Variants in ERI2 observed in about 807,000 individuals in gnomAD.
The protein encoded by ERI2 is ERI1 exoribonuclease family member 2.
Under a neutral mutation model 46.8 loss-of-function variants are expected in ERI2, and 35 were observed. The observed-to-expected ratio is 0.75, with a 90% CI of 0.57 to 0.99. ERI2 has a LOEUF of 0.99. Among genes scored for constraint, ERI2 ranks in the 50% least tolerant of loss-of-function variants. ERI2 has a pLI of 0.00. For missense variants in ERI2, 695 were observed against 796.2 expected, an observed-to-expected ratio of 0.87 and a Z score of 1.53; for synonymous variants, 224 against 271.0, an observed-to-expected ratio of 0.83 and a Z score of 1.70.
chr16:20,786,394 C>A, intron 10 of ERI2: 1 of 835,040 alleles, frequency 1.2e-6, no homozygotes, highest in Non-Finnish European at 1.6e-6. Flanking sequence ...AACGTTAACC[C>A]ATTAGGCTGG....
At chr16:20,802,036 G>A (rs1216933620) in intron 4 of ERI2, among the ~76,000 whole-genome samples, 1 of 150,026 alleles carries the variant, frequency 6.7e-6, no homozygotes, top group African/African-American at 2.4e-5. Context: ...TGAGATTACA[G>A]GTATGTTCCT....
intron 8 of ERI2, 44 bp downstream of exon 8, chr16:20,799,219 A>T: frequency 1.2e-6 from 2 of 1,602,958 alleles, no homozygotes; most frequent in Non-Finnish European, 1.7e-6. Flanking sequence ...ATGACTGTTT[A>T]TGAAGTTTGA....
At position 20,790,318 on chromosome 16, in the gene ERI2, C is replaced by CATGTGCTTGTAGCCCCAGATACTTGGGAA. The variant is rs1180890393; in HGVS notation, c.815+503_815+531dup. On this transcript the variant is annotated intron_variant, in intron 9 of 10. Transcript: ENST00000300005. The surrounding 1 kb of genome is among the most constrained non-coding windows in gnomAD (Gnocchi z 4.0). ...AATAAACATTAGCTGAGCATAATGA[C>CATGTGCTTGTAGCCCCAGATACTTGGGAA]ATGTGCTTGTAGCCCCAGATACTTG... is the stretch of plus-strand genomic sequence containing the variant. Among the ~76,000 whole-genome samples, 1 of 152,092 alleles carries CATGTGCTTGTAGCCCCAGATACTTGGGAA rather than the reference C, an allele frequency of 6.6e-6. No homozygotes were observed. Among genetic ancestry groups the CATGTGCTTGTAGCCCCAGATACTTGGGAA allele is most frequent in the Non-Finnish European group, 1.5e-5 (1 of 68,018 alleles).
chr16:20,785,277 C>T (rs1390207672), intron 10 of ERI2, among the ~76,000 whole-genome samples: 1 of 152,134 alleles, frequency 6.6e-6, no homozygotes, highest in Non-Finnish European at 1.5e-5. Flanking sequence ...GCTCTGTTAA[C>T]AGATAGTTGT....
At chr16:20,785,116 C>T (rs1476718734) in intron 10 of ERI2, 4 of 1,612,474 alleles carry the variant, frequency 2.5e-6, no homozygotes, top group East Asian at 4.5e-5. Context: ...CGGTACCTGA[C>T]CTCACTGAAA....
At position 20,798,977 on chromosome 16, in the gene ERI2, C is replaced by A. The variant is rs1271602418; in HGVS notation, c.823G>T (p.Gly275Cys). 4 of 1,545,888 alleles carry A rather than the reference C, an allele frequency of 2.6e-6. No individual in the cohort carries two copies. Among genetic ancestry groups the A allele is most frequent in the Non-Finnish European group, 1.7e-6 (2 of 1,145,682 alleles). The change falls in exon 9 of 9, where the codon GGT (glycine) becomes TGT (cysteine). Residue 275 changes from glycine (G) to cysteine (C), a missense_variant. Transcript: ENST00000357967. ...GGCTCCTTATTATATATGCTGGGAC[C>A]CTGGATGCTAATGTTACAGGCAGAC... The part of the protein sequence containing the change: ...EMSACNISIQ[G>C]PSIYNKEPKN...
chr16:20,795,201 C>T (rs931132287), downstream of ERI2, among the ~76,000 whole-genome samples: 1 of 151,996 alleles, frequency 6.6e-6, no homozygotes, highest in African/African-American at 2.4e-5. Context: ...TGTTTTTTTT[C>T]TTAGAGACAA....
rs759866744 is a variant in ERI2 at position 20,802,877 on chromosome 16, G to A, written c.222C>T (p.Asp74=). 6.2e-7 allele frequency: 1 copy of A among 1,611,048 alleles called. No homozygotes were observed. The highest frequency in any genetic ancestry group is 1.7e-4 in the Middle Eastern group (1 of 6,042). The change falls in exon 4 of 9, where the codon GAC becomes GAT. Residue 74 remains aspartate (D), a synonymous_variant. Transcript: ENST00000357967. ...VLLNTSTGQI[D]SEFQAYVQPQ... The stretch of plus-strand genomic sequence containing the variant: ...GTTGAACATAAGCCTGGAACTCAGA[G>A]TCAATCTGTCCAGTTGATGTGTTCA...
In ERI2 at chr16:20,790,637, T is replaced by C. The variant is rs2080577104; in HGVS notation, c.815+213A>G. 2 of 1,614,162 alleles carry C rather than the reference T, an allele frequency of 1.2e-6. No homozygotes were observed. Among genetic ancestry groups the C allele is most frequent in the Admixed American group, 3.3e-5 (2 of 60,018 alleles). On this transcript the variant is annotated intron_variant, in intron 9 of 10. Transcript: ENST00000300005. The surrounding 1 kb of genome is among the most constrained non-coding windows in gnomAD (Gnocchi z 4.0). ...TACCTCCTGGACAAGAAGGAGATAT[T>C]GGCATTCAAGTTCTACCCAACCGAC...
downstream of ERI2, among the ~76,000 whole-genome samples, chr16:20,793,341 C>T (rs963343148): frequency 2.6e-5 from 4 of 152,060 alleles, no homozygotes; most frequent in Non-Finnish European, 4.4e-5. Context: ...TGGTGGCACA[C>T]GCCTGTAATC....
chr16:20,805,293 T>A (rs1425118909), intron 1 of ERI2, among the ~76,000 whole-genome samples: 1 of 151,848 alleles, frequency 6.6e-6, no homozygotes, highest in Non-Finnish European at 1.5e-5. Flanking sequence ...GGTGTGGTGG[T>A]GCATGCCTGT....
intron 1 of ERI2, among the ~76,000 whole-genome samples, chr16:20,804,489 AC>A (rs1396009475): frequency 6.6e-6 from 1 of 151,808 alleles, no homozygotes; most frequent in Non-Finnish European, 1.5e-5. Context: ...ACATGGTGAA[AC>A]CCCGTCTCTA....
At chr16:20,793,247 T>A (rs533436535), downstream of ERI2, among the ~76,000 whole-genome samples, 1 of 152,232 alleles carries the variant, frequency 6.6e-6, no homozygotes, top group South Asian at 2.1e-4. Flanking sequence ...GGTGGGTGGA[T>A]CACCTGAGGT....
exon 11 of ERI2, chr16:20,780,704 T>C: frequency 6.2e-7 from 1 of 1,614,192 alleles, no homozygotes; most frequent in East Asian, 2.2e-5. Flanking sequence ...TTGTAGTTTT[T>C]CCTTTGCAGA....
chr16:20,798,847 T>G lies in ERI2; in HGVS notation c.953A>C (p.Lys318Thr). 1 of 1,550,896 alleles carries G rather than the reference T, an allele frequency of 6.4e-7. No homozygotes were observed. Among genetic ancestry groups the G allele is most frequent in the Non-Finnish European group, 8.7e-7 (1 of 1,146,764 alleles). ...QDQLQVKNNI[K>T]ASLHNVKSSL... Reference sequence around the variant, plus strand: ...ACTTTTGACATTGTGAAGACTTGCTTTTATATTGTTTTTTACTTGTAATTG... The same window carrying G: ...ACTTTTGACATTGTGAAGACTTGCTGTTATATTGTTTTTTACTTGTAATTG... The change falls in exon 9 of 9, where the codon AAA (lysine) becomes ACA (threonine). Residue 318 changes from lysine to threonine, a missense_variant. Transcript: ENST00000357967.
chr16:20,781,853 G>T (rs2152469674), intron 10 of ERI2: 1 of 1,271,554 alleles, frequency 7.9e-7, no homozygotes. Context: ...TAAAATAAAA[G>T]ATCTTTCTGC....
In ERI2 at chr16:20,798,622, A is replaced by C. The variant is rs1462919397; in HGVS notation, c.1178T>G (p.Leu393Trp). ...ACAGTCCAGAGTAGAGCTCATTTCC[A>C]AATCAGAAACATGATGAACAGTTGG... ...TVPTVHHVSD[L>W]EMSSTLDCLP... Residue 393 changes from leucine (L) to tryptophan (W), a missense_variant, in exon 9 of 9, where the codon TTG becomes TGG. Transcript: ENST00000357967. The C allele has an allele frequency of 2.6e-6, 4 of 1,551,686 alleles. No individual in the cohort carries two copies. Among genetic ancestry groups the C allele is most frequent in the Non-Finnish European group, 2.6e-6 (3 of 1,146,936 alleles).
rs762065087 is a variant in ERI2 at position 20,790,913 on chromosome 16, G to A, written c.752C>T (p.Ser251Leu). The A allele has an allele frequency of 8.7e-6, 14 of 1,613,906 alleles. No homozygotes were observed. Among genetic ancestry groups the A allele is most frequent in the Middle Eastern group, 1.6e-4 (1 of 6,082 alleles). Residue 251 changes from serine to leucine, a missense_variant, in exon 9 of 11, where the codon TCG becomes TTG. Coordinates refer to the ERI2 transcript ENST00000300005. This position sits in a 1 kb window ranked among gnomAD's most constrained non-coding sequence, Gnocchi z 4.0. ...GGCCAGATCACTGTTCCAGGTCCAC[G>A]AAGGCAAGAGGAAGGGACCCTAGAA...
chr16:20,781,777 G>T, intron 10 of ERI2: 1 of 1,607,442 alleles, frequency 6.2e-7, no homozygotes, highest in Non-Finnish European at 8.5e-7. Flanking sequence ...TGTACAGAAT[G>T]ATATAACCAG....
Sources: allele counts gnomAD v4.1 joint callset (sites outside exome capture counted in the v4.1 genomes callset), GRCh38; gene constraint gnomAD v4.1.1; non-coding constraint Gnocchi (gnomAD v3.1); transcripts MANE v1.5; gene names NCBI Gene and HGNC (gene_info 2026-07-23, HGNC 2026-07-21).